Variants in SLC4A4 observed in about 807,000 individuals in gnomAD.
SLC4A4 encodes the protein electrogenic sodium bicarbonate cotransporter 1.
Under a neutral mutation model 111.5 loss-of-function variants are expected in SLC4A4, and 27 were observed. The observed-to-expected ratio is 0.24, with a 90% CI of 0.18 to 0.33. SLC4A4 has a LOEUF of 0.33. SLC4A4 is among the 10% of genes least tolerant of loss of function. The pLI is 1.00. For synonymous variants in SLC4A4, 443 were observed against 463.4 expected, an observed-to-expected ratio of 0.96 and a Z score of 0.57; for missense variants, 909 against 1,315.5, an observed-to-expected ratio of 0.69 and a Z score of 4.78.
At position 71,309,082 on chromosome 4, in the gene SLC4A4, C is replaced by T. The variant is rs565764068; in HGVS notation, c.254-30288C>T. Among the ~76,000 whole-genome samples, 25 of 152,274 alleles carry T rather than the reference C, an allele frequency of 1.6e-4. 1 individual carries two copies. Among genetic ancestry groups the T allele is most frequent in the African/African-American group, 4.6e-4 (19 of 41,554 alleles). ...CCATTACTGAGGCTTGAGTAGGTGG[C>T]TTTCCCCTGACCATGCTAAGGACTG... On this transcript the variant is annotated intron_variant, in intron 3 of 25. Coordinates refer to ENST00000264485, the MANE Select transcript of SLC4A4 (RefSeq NM_001098484.3).
chr4:71,380,562 A>T (rs566861984), intron 6 of SLC4A4, among the ~76,000 whole-genome samples: 1 of 152,326 alleles, frequency 6.6e-6, no homozygotes, highest in South Asian at 2.1e-4. Context: ...TGCTCCATGC[A>T]TCTGGGTCCT....
intron 5 of SLC4A4, 140 bp downstream of exon 5, chr4:71,350,212 G>A (rs752344076): frequency 2.8e-5 from 24 of 850,558 alleles, no homozygotes; most frequent in Non-Finnish European, 4.0e-5. Flanking sequence ...TATAACATTA[G>A]TATGATTTAT....
At chr4:71,506,031 T>C (rs1316853673) in intron 16 of SLC4A4, among the ~76,000 whole-genome samples, 1 of 152,138 alleles carries the variant, frequency 6.6e-6, no homozygotes, top group African/African-American at 2.4e-5. Context: ...TGATTTTCTA[T>C]TTAGTTCCAT....
intron 7 of SLC4A4, among the ~76,000 whole-genome samples, chr4:71,405,412 C>T (rs1029638688): frequency 1.5e-4 from 23 of 151,840 alleles, no homozygotes; most frequent in Non-Finnish European, 1.5e-5. Flanking sequence ...CTAACAATAC[C>T]ATGGACACCT....
intron 2 of SLC4A4, among the ~76,000 whole-genome samples, chr4:71,152,222 G>A (rs912600883): frequency 6.6e-6 from 1 of 151,962 alleles, no homozygotes; most frequent in Non-Finnish European, 1.5e-5. Context: ...TCACCAAGTG[G>A]TAACCATTAT....
At chr4:71,400,985 GC>G (rs2148984707) in intron 7 of SLC4A4, among the ~76,000 whole-genome samples, 1 of 152,182 alleles carries the variant, frequency 6.6e-6, no homozygotes, top group South Asian at 2.1e-4. Context: ...GTCCAAGTTG[GC>G]CCCAAAAACT....
chr4:71,220,658 T>C (rs1318145094), intron 1 of SLC4A4, among the ~76,000 whole-genome samples: 1 of 152,182 alleles, frequency 6.6e-6, no homozygotes, highest in Non-Finnish European at 1.5e-5. Context: ...TTATGTCTTA[T>C]GGGTGTCTTT....
chr4:71,274,763 T>C lies in SLC4A4; in HGVS notation c.253+19364T>C, dbSNP rs542579142. ...TTTAATGTTTGGGGCTTCAAGTTAC[T>C]GAGCAGTGGAATGAAGAGTCAGTGT... On this transcript the variant is annotated intron_variant, in intron 3 of 25. Transcript: ENST00000264485. Among the ~76,000 whole-genome samples the C allele has an allele frequency of 2.6e-5, 4 of 152,338 alleles. No homozygotes were observed. In the South Asian group the frequency reaches 8.3e-4, roughly 32 times the overall value.
At chr4:71,243,604 CG>C (rs1720417982) in intron 2 of SLC4A4, among the ~76,000 whole-genome samples, 2 of 152,086 alleles carry the variant, frequency 1.3e-5, no homozygotes, top group African/African-American at 4.8e-5. Context: ...CATAGGTTCA[CG>C]GGAGGTTCCA....
intron 21 of SLC4A4, among the ~76,000 whole-genome samples, chr4:71,555,492 C>T (rs1736391604): frequency 6.6e-6 from 1 of 151,842 alleles, no homozygotes; most frequent in Non-Finnish European, 1.5e-5. Context: ...CTTCCCCTTA[C>T]CCATCTTTAT....
chr4:71,201,873 G>C (rs993783394), intron 1 of SLC4A4, among the ~76,000 whole-genome samples: 2 of 152,174 alleles, frequency 1.3e-5, no homozygotes, highest in Non-Finnish European at 2.9e-5. Context: ...AGTGATTACT[G>C]ATGATGACAT....
intron 7 of SLC4A4, among the ~76,000 whole-genome samples, chr4:71,416,182 C>T (rs1323645133): frequency 1.3e-5 from 2 of 152,164 alleles, no homozygotes; most frequent in East Asian, 1.9e-4. Context: ...TTTGAATCTT[C>T]GTTCTGCCTT....
At chr4:71,353,088 T>C (rs1394311624) in intron 5 of SLC4A4, among the ~76,000 whole-genome samples, 3 of 152,206 alleles carry the variant, frequency 2.0e-5, no homozygotes, top group Admixed American at 6.5e-5. Context: ...CTTTAGCGAA[T>C]GGCCAAAGAG....
At chr4:71,175,010 G>C (rs1745045591) in intron 2 of SLC4A4, among the ~76,000 whole-genome samples, 1 of 152,188 alleles carries the variant, frequency 6.6e-6, no homozygotes, top group South Asian at 2.1e-4. Context: ...TTCTAGTCTT[G>C]TCACTGGTGT....
chr4:71,369,479 C>A (rs1560447572), intron 6 of SLC4A4, among the ~76,000 whole-genome samples: 1 of 152,186 alleles, frequency 6.6e-6, no homozygotes, highest in East Asian at 1.9e-4. Flanking sequence ...GATGCTGAAC[C>A]TTCTTACTTC....
At chr4:71,064,665 C>A (rs1741469826) in intron 1 of SLC4A4, among the ~76,000 whole-genome samples, 1 of 152,014 alleles carries the variant, frequency 6.6e-6, no homozygotes, top group Non-Finnish European at 1.5e-5. Context: ...GAGTGAGAAC[C>A]ACTTGGCTAA....
intron 2 of SLC4A4, among the ~76,000 whole-genome samples, chr4:71,114,064 G>A (rs186580450): frequency 0.012 from 1,893 of 152,064 alleles, 33 homozygotes; most frequent in African/African-American, 0.043. Flanking sequence ...TGGCTAACAC[G>A]GTGAAACCCC....
At chr4:71,281,822 A>T (rs1329298269) in intron 3 of SLC4A4, among the ~76,000 whole-genome samples, 1 of 152,180 alleles carries the variant, frequency 6.6e-6, no homozygotes, top group Non-Finnish European at 1.5e-5. Flanking sequence ...AAATATAGTG[A>T]TACGTTAGTA....
At chr4:71,439,916 C>G (rs548512307) in intron 7 of SLC4A4, among the ~76,000 whole-genome samples, 12 of 151,986 alleles carry the variant, frequency 7.9e-5, no homozygotes, top group African/African-American at 2.2e-4. Context: ...ACCTATGCAA[C>G]TTCTTTGCCT....
Sources: gnomAD v4.1 joint callset for allele counts (sites outside exome capture counted in the v4.1 genomes callset) on GRCh38, gnomAD v4.1.1 for gene constraint, MANE v1.5 for transcripts, NCBI Gene and HGNC (gene_info 2026-07-23, HGNC 2026-07-21) for gene names.